Variants in CDKAL1 observed in about 807,000 individuals in gnomAD.
The protein encoded by CDKAL1 is threonylcarbamoyladenosine tRNA methylthiotransferase.
In CDKAL1, 32 loss-of-function variants were observed where a neutral mutation model predicts 68.2. The ratio of observed to expected loss-of-function variants is 0.47; its 90% confidence interval spans 0.35 to 0.63. CDKAL1 has a LOEUF of 0.63. CDKAL1 is among the 30% of genes least tolerant of loss of function. The pLI, the probability that CDKAL1 is intolerant of heterozygous loss-of-function variation, is 0.00. For missense variants in CDKAL1, 606 were observed against 696.7 expected, an observed-to-expected ratio of 0.87 and a Z score of 1.47; for synonymous variants, 234 against 244.3, an observed-to-expected ratio of 0.96 and a Z score of 0.39.
chr6:21,198,414 G>C (rs528822905), intron 14 of CDKAL1, among the ~76,000 whole-genome samples: 1 of 152,136 alleles, frequency 6.6e-6, no homozygotes, highest in South Asian at 2.1e-4. Flanking sequence ...GGCAAAGCAG[G>C]GGGGAAAGTC....
At chr6:20,941,590 T>C (rs1246750386) in intron 9 of CDKAL1, among the ~76,000 whole-genome samples, 1 of 152,246 alleles carries the variant, frequency 6.6e-6, no homozygotes, top group Non-Finnish European at 1.5e-5. Flanking sequence ...ATTACACTCA[T>C]ATGCATTGTG....
chr6:21,092,422 C>G (rs958606542), intron 12 of CDKAL1, among the ~76,000 whole-genome samples: 12 of 151,948 alleles, frequency 7.9e-5, no homozygotes, highest in Admixed American at 5.9e-4. Flanking sequence ...TTTTGCCCCC[C>G]ACTCCCCTCG....
intron 11 of CDKAL1, among the ~76,000 whole-genome samples, chr6:21,018,280 C>A (rs1167002578): frequency 2.0e-5 from 3 of 152,118 alleles, no homozygotes; most frequent in African/African-American, 7.2e-5. Flanking sequence ...TAATATCAAG[C>A]CACGGAAAAT....
intron 11 of CDKAL1, among the ~76,000 whole-genome samples, chr6:21,043,704 G>T (rs1770063804): frequency 2.0e-5 from 3 of 152,128 alleles, no homozygotes; most frequent in African/African-American, 7.2e-5. Flanking sequence ...GTCGTATTCG[G>T]TTTATTTATG....
chr6:20,538,239 T>G (rs183858914), intron 2 of CDKAL1, among the ~76,000 whole-genome samples: 1 of 152,306 alleles, frequency 6.6e-6, no homozygotes, highest in East Asian at 1.9e-4. Context: ...TCTTTTTTTT[T>G]TTTTCTTTTC....
At chr6:21,214,874 G>GATGAATGA (rs58042681) in intron 15 of CDKAL1, among the ~76,000 whole-genome samples, 16,041 of 149,686 alleles carry the variant, frequency 0.11, 967 homozygotes, top group African/African-American at 0.12. Context: ...ACGTCTGTTG[G>GATGAATGA]ATGAATGAAT....
chr6:20,868,301 A>G (rs1489942985), intron 9 of CDKAL1, among the ~76,000 whole-genome samples: 1 of 152,204 alleles, frequency 6.6e-6, no homozygotes, highest in Non-Finnish European at 1.5e-5. Context: ...GACTCCATTG[A>G]TAACACTAAA....
chr6:21,067,009 C>T (rs542743740), intron 12 of CDKAL1, among the ~76,000 whole-genome samples: 2 of 152,314 alleles, frequency 1.3e-5, no homozygotes, highest in African/African-American at 4.8e-5. Flanking sequence ...TTTCTGTTCT[C>T]ATAGTTCAAT....
intron 9 of CDKAL1, among the ~76,000 whole-genome samples, chr6:20,912,173 G>A (rs1247807618): frequency 6.6e-6 from 1 of 152,010 alleles, no homozygotes; most frequent in Admixed American, 6.6e-5. Flanking sequence ...TTTTATTATT[G>A]TTTCTTTCAA....
At chr6:20,905,089 T>G (rs547355092) in intron 9 of CDKAL1, among the ~76,000 whole-genome samples, 1 of 151,818 alleles carries the variant, frequency 6.6e-6, no homozygotes, top group African/African-American at 2.4e-5. Context: ...AAGGAAAAAA[T>G]AAAACCAACA....
At chr6:20,815,152 A>C (rs1776991619) in intron 8 of CDKAL1, among the ~76,000 whole-genome samples, 2 of 152,198 alleles carry the variant, frequency 1.3e-5, no homozygotes, top group South Asian at 4.1e-4. Flanking sequence ...CCAGAAGCAA[A>C]AGTCTTCTGC....
In CDKAL1 at chr6:21,203,215, A is replaced by ATTTTT. The variant is rs371165972; in HGVS notation, c.1548+1974_1548+1978dup. Reference sequence around the variant, plus strand: ...TAGGCATGCACCACCATCCTGGCTAATTTTTTTTTTTTTTTTTTTTTTTTT... The same window carrying ATTTTT: ...TAGGCATGCACCACCATCCTGGCTAATTTTTTTTTTTTTTTTTTTTTTTTTTTTTT... On this transcript the variant is annotated intron_variant, in intron 15 of 15. Coordinates refer to ENST00000274695, the MANE Select transcript of CDKAL1 (RefSeq NM_017774.3). 4.3e-3 allele frequency among the ~76,000 whole-genome samples: 205 copies of ATTTTT among 47,128 alleles called. 36 individuals carry two copies. Among genetic ancestry groups the ATTTTT allele is most frequent in the Non-Finnish European group, 6.2e-3 (161 of 26,138 alleles). The allele number at this position is 47,128 out of a possible 152,430, so 30.9% of individuals were successfully genotyped here. A position where few individuals can be genotyped will look rare whatever the true frequency, so the allele number is the denominator to read the frequency against.
At chr6:20,810,449 G>A in intron 8 of CDKAL1, among the ~76,000 whole-genome samples, 1 of 135,116 alleles carries the variant, frequency 7.4e-6, no homozygotes, top group Non-Finnish European at 1.6e-5. Flanking sequence ...CACACACGTG[G>A]TGTCATGTTA....
At position 20,891,589 on chromosome 6, in the gene CDKAL1, T is replaced by C. The variant is rs140892951; in HGVS notation, c.742+45411T>C. Among the ~76,000 whole-genome samples, 528 of 150,224 alleles carry C rather than the reference T, an allele frequency of 3.5e-3. 3 individuals carry two copies. The highest frequency in any genetic ancestry group is 0.017 in the Middle Eastern group (5 of 290). On this transcript the variant is annotated intron_variant, in intron 9 of 15. Coordinates refer to ENST00000274695, the MANE Select transcript of CDKAL1 (RefSeq NM_017774.3). ...CTCACTCTGTCACCAGGCTGGAGTGTAGTGGCGCAGTCTCGGCTTGCTGCA... is the reference window on the plus strand; with the variant it reads ...CTCACTCTGTCACCAGGCTGGAGTGCAGTGGCGCAGTCTCGGCTTGCTGCA...
At chr6:21,020,774 CTTTTTTT>C (rs60084439) in intron 11 of CDKAL1, among the ~76,000 whole-genome samples, 2 of 132,832 alleles carry the variant, frequency 1.5e-5, no homozygotes, top group Non-Finnish European at 3.2e-5. Context: ...GCCTTTTTTC[CTTTTTTT>C]TTTTTTTTTT....
chr6:20,594,214 C>A (rs1765719730), intron 4 of CDKAL1, among the ~76,000 whole-genome samples: 1 of 152,172 alleles, frequency 6.6e-6, no homozygotes, highest in Non-Finnish European at 1.5e-5. Flanking sequence ...GAGCTGAGTT[C>A]AAGTCCTGAA....
At chr6:20,836,162 T>C (rs1325003594) in intron 8 of CDKAL1, among the ~76,000 whole-genome samples, 1 of 152,112 alleles carries the variant, frequency 6.6e-6, no homozygotes, top group East Asian at 1.9e-4. Flanking sequence ...AGAGTAACTA[T>C]TTCATTCACT....
chr6:20,755,414 C>T (rs1196248050), intron 6 of CDKAL1, among the ~76,000 whole-genome samples: 2 of 152,118 alleles, frequency 1.3e-5, no homozygotes, highest in Non-Finnish European at 2.9e-5. Context: ...AACTTTCTGT[C>T]CTTTTTCTTT....
At chr6:20,632,906 G>A (rs1767736786) in intron 4 of CDKAL1, among the ~76,000 whole-genome samples, 1 of 152,166 alleles carries the variant, frequency 6.6e-6, no homozygotes, top group South Asian at 2.1e-4. Flanking sequence ...TGGGGGAGGT[G>A]ACGTGTACAC....
Sources: allele counts gnomAD v4.1 joint callset (sites outside exome capture counted in the v4.1 genomes callset), GRCh38; gene constraint gnomAD v4.1.1; transcripts MANE v1.5; gene names NCBI Gene and HGNC (gene_info 2026-07-23, HGNC 2026-07-21).